The following INTS8 variants were observed in gnomAD, a reference collection of about 807,000 sequenced individuals.
INTS8 encodes the protein protein kaonashi-1.
Under a neutral mutation model 138.9 loss-of-function variants are expected in INTS8, and 47 were observed. The observed-to-expected ratio is 0.34, with a 90% confidence interval of 0.27 to 0.43. INTS8 has a LOEUF of 0.43. Ranked by LOEUF, INTS8 falls within the 20% of genes least tolerant of loss-of-function variation. INTS8 has a pLI of 1.00. For synonymous variants in INTS8, 392 were observed against 400.9 expected, an observed-to-expected ratio of 0.98 and a Z score of 0.27; for missense variants, 996 against 1,173.0, an observed-to-expected ratio of 0.85 and a Z score of 2.20.
chr8:94,876,520 A>G (rs375276856), intron 26 of INTS8, 31 bp downstream of exon 26: 3 of 1,403,380 alleles, frequency 2.1e-6, no homozygotes, highest in Non-Finnish European at 3.0e-6. Flanking sequence ...CTTCAGTGGT[A>G]CAGTTTCCAG....
chr8:94,865,122 A>G (rs1320949277), intron 16 of INTS8, among the ~76,000 whole-genome samples: 1 of 151,846 alleles, frequency 6.6e-6, no homozygotes, highest in East Asian at 1.9e-4. Context: ...ACCACAGTTA[A>G]CATCTTGGTG....
chr8:94,857,926 A>G (rs143948579), intron 15 of INTS8, among the ~76,000 whole-genome samples: 72 of 152,366 alleles, frequency 4.7e-4, no homozygotes, highest in Middle Eastern at 3.4e-3. Context: ...AAGAATCAAA[A>G]TGTCCTTGAG....
At chr8:94,860,505 G>A (rs1475256155) in intron 16 of INTS8, among the ~76,000 whole-genome samples, 5 of 149,554 alleles carry the variant, frequency 3.3e-5, no homozygotes, top group Non-Finnish European at 5.9e-5. Context: ...GCTTGAACCC[G>A]GGAGGCAGAG....
At chr8:94,860,592 A>C (rs1360255883) in intron 16 of INTS8, among the ~76,000 whole-genome samples, 10 of 149,992 alleles carry the variant, frequency 6.7e-5, no homozygotes, top group South Asian at 2.1e-4. Flanking sequence ...AAAAAAAAAA[A>C]AAAAAAAAAA....
At chr8:94,868,670 C>G (rs1018422484) in intron 20 of INTS8, 1 of 145,980 alleles carries the variant, frequency 6.9e-6, no homozygotes, top group Non-Finnish European at 1.5e-5. Context: ...TTTCTTTTCT[C>G]TTTTCTTTTC....
intron 13 of INTS8, among the ~76,000 whole-genome samples, chr8:94,852,589 G>A (rs940398982): frequency 6.6e-6 from 1 of 151,382 alleles, no homozygotes; most frequent in Non-Finnish European, 1.5e-5. Flanking sequence ...GAAATGTATG[G>A]TTTGTTTTTT....
At chr8:94,827,910 A>T (rs1436819399) in intron 4 of INTS8, 117 bp downstream of exon 4, 2 of 846,546 alleles carry the variant, frequency 2.4e-6, no homozygotes, top group South Asian at 2.9e-5. Context: ...GGAGGGCAGA[A>T]GGCCTGTGTG....
intron 10 of INTS8, among the ~76,000 whole-genome samples, chr8:94,846,631 G>A (rs994917675): frequency 7.2e-5 from 11 of 152,202 alleles, no homozygotes; most frequent in African/African-American, 2.4e-4. Context: ...TTCAGTAGAA[G>A]TGGGAATAGA....
chr8:94,824,282 C>T (rs1192983747), intron 1 of INTS8, among the ~76,000 whole-genome samples: 1 of 152,208 alleles, frequency 6.6e-6, no homozygotes, highest in Non-Finnish European at 1.5e-5. Context: ...GACTGGCCTT[C>T]ACTGATAGAG....
Position 94,842,454 on chromosome 8 carries a change from G to T in INTS8, c.1226G>T (p.Arg409Ile). 1 of 1,604,372 alleles carries T rather than the reference G, an allele frequency of 6.2e-7. No homozygotes were observed. The highest frequency in any genetic ancestry group is 1.1e-5 in the South Asian group (1 of 90,250). Residue 409 changes from arginine (R) to isoleucine (I), a missense_variant, in exon 10 of 27, where the codon AGA (arginine) becomes ATA (isoleucine). Physicochemically the swap from Arg to Ile is moderately conservative, Grantham distance 97. Transcript: ENST00000523731. ...GTTCAATTTAACCAGCTATTTCTTA[G>T]ACCAAATAAAGAGAAAATAGACTTT... ...ISVQFNQLFLRPNKEKIDFLL... is the reference protein window; with the variant it reads ...ISVQFNQLFLIPNKEKIDFLL...
chr8:94,855,107 G>T (rs1439637205), intron 14 of INTS8, among the ~76,000 whole-genome samples: 4 of 152,060 alleles, frequency 2.6e-5, no homozygotes, highest in African/African-American at 9.7e-5. Flanking sequence ...CAGAAATTCT[G>T]GGATGGGGCC....
At position 94,832,270 on chromosome 8, in the gene INTS8, T is replaced by C; in HGVS notation, c.753+96T>C. Reference sequence around the variant, plus strand: ...TTTTAATTAGAATTTATTTCTGCCTTTGTCTCTTAAGATGCTATTAAAACT... The same window carrying C: ...TTTTAATTAGAATTTATTTCTGCCTCTGTCTCTTAAGATGCTATTAAAACT... On this transcript the variant is annotated intron_variant, in intron 6 of 26. Coordinates refer to ENST00000523731, the MANE Select transcript of INTS8 (RefSeq NM_017864.4). 1.4e-5 allele frequency: 12 copies of C among 876,500 alleles called. No homozygotes were observed. The South Asian group carries it at 1.8e-4, about 13-fold the overall frequency. The allele number at this position is 876,500 out of a possible 1,614,324, so 54.3% of individuals were successfully genotyped here. A position where few individuals can be genotyped will look rare whatever the true frequency, so the allele number is the denominator to read the frequency against.
chr8:94,827,648 A>G, intron 3 of INTS8, 74 bp from the exon 4 acceptor site: 1 of 1,253,962 alleles, frequency 8.0e-7, no homozygotes, highest in African/African-American at 1.5e-5. Context: ...ATACAAACCT[A>G]AGGAGTACTT....
At chr8:94,834,603 C>T (rs57773845) in intron 6 of INTS8, among the ~76,000 whole-genome samples, 23,815 of 151,330 alleles carry the variant, frequency 0.16, 2,023 homozygotes, top group Middle Eastern at 0.26. Context: ...ACTCGGCAGG[C>T]TGAGGCAGGA....
In INTS8 at chr8:94,873,322, C is replaced by T. The variant is rs367972889; in HGVS notation, c.2534-52C>T. The T allele has an allele frequency of 1.6e-3, 1,975 of 1,211,672 alleles. 16 individuals carry two copies. Among genetic ancestry groups the T allele is most frequent in the Non-Finnish European group, 1.1e-3 (872 of 813,052 alleles). The allele number at this position is 1,211,672 out of a possible 1,614,324, so 75.1% of individuals were successfully genotyped here. A position where few individuals can be genotyped will look rare whatever the true frequency, so the allele number is the denominator to read the frequency against. On this transcript the variant is annotated intron_variant, in intron 21 of 26. Coordinates refer to ENST00000523731, the MANE Select transcript of INTS8 (RefSeq NM_017864.4). ...ACACCTGACTCTTTACAAAGGAATC[C>T]CTGTTTTTCAACTGTTACCTCTAAT... is the stretch of plus-strand genomic sequence containing the variant.
chr8:94,863,909 T>G (rs141241632), intron 16 of INTS8, among the ~76,000 whole-genome samples: 1 of 152,316 alleles, frequency 6.6e-6, no homozygotes, highest in African/African-American at 2.4e-5. Context: ...TCCATGTCTA[T>G]TCACCTAGTA....
chr8:94,826,382 CG>C lies in INTS8; in HGVS notation c.306-880del, dbSNP rs796302019. ...CTGCAAGCTCCGCCTCCTGGGTTGA[CG>C]CCATTCTCCTGCCTCAGCCTCCCGA... On this transcript the variant is annotated intron_variant, in intron 2 of 26. Coordinates refer to ENST00000523731, the MANE Select transcript of INTS8 (RefSeq NM_017864.4). Among the ~76,000 whole-genome samples the C allele has an allele frequency of 3.9e-5, 6 of 152,100 alleles. No individual in the cohort carries two copies. The South Asian group carries it at 1.2e-3, about 32-fold the overall frequency.
chr8:94,859,727 G>T, intron 16 of INTS8, 95 bp downstream of exon 16: 2 of 959,076 alleles, frequency 2.1e-6, no homozygotes, highest in Non-Finnish European at 3.1e-6. Context: ...TAATTTCTGT[G>T]ATACAAATGA....
intron 26 of INTS8, among the ~76,000 whole-genome samples, chr8:94,878,330 AACTTCTTT>A (rs1190949209): frequency 8.5e-5 from 13 of 152,278 alleles, no homozygotes; most frequent in Admixed American, 7.8e-4. Context: ...CATACTCAGT[AACTTCTTT>A]ACCTCTTCTA....
Sources: gnomAD v4.1 joint callset for allele counts (sites outside exome capture counted in the v4.1 genomes callset) on GRCh38, gnomAD v4.1.1 for gene constraint, MANE v1.5 for transcripts, NCBI Gene and HGNC (gene_info 2026-07-23, HGNC 2026-07-21) for gene names.